The following MED13L variants were observed in gnomAD, a reference collection of about 807,000 sequenced individuals.
The protein encoded by MED13L is mediator complex subunit 13L.
A neutral mutation model predicts 220.9 loss-of-function variants in MED13L; 7 were observed. The ratio of observed to expected loss-of-function variants is 0.03; its 90% CI spans 0.02 to 0.06. The LOEUF (loss-of-function observed/expected upper bound fraction) is 0.06, where lower values mean the gene tolerates loss of function less well. MED13L is among the 10% of genes least tolerant of loss of function. The pLI is 1.00. For synonymous variants in MED13L, 1,011 were observed against 1,015.2 expected (o/e 1.00, Z 0.08); for missense variants, 1,965 against 2,760.5 (o/e 0.71, Z 6.46).
intron 4 of MED13L, among the ~76,000 whole-genome samples, chr12:116,089,133 C>T (rs11067903): frequency 0.091 from 13,793 of 152,120 alleles, 734 homozygotes; most frequent in East Asian, 0.21. Context: ...ATGACATTAT[C>T]GGAAATAAAA....
intron 2 of MED13L, among the ~76,000 whole-genome samples, chr12:116,182,705 G>A (rs1365073096): frequency 1.3e-5 from 2 of 152,120 alleles, no homozygotes; most frequent in Non-Finnish European, 2.9e-5. Context: ...AAAGTAGAAG[G>A]GTGATAAACT....
intron 2 of MED13L, among the ~76,000 whole-genome samples, chr12:116,138,335 G>A (rs529546035): frequency 4.6e-5 from 7 of 152,228 alleles, no homozygotes; most frequent in South Asian, 2.1e-4. Flanking sequence ...TACATATCAG[G>A]GTTTGTTGCT....
intron 1 of MED13L, among the ~76,000 whole-genome samples, chr12:116,272,855 T>C (rs915127256): frequency 6.6e-6 from 1 of 152,214 alleles, no homozygotes; most frequent in African/African-American, 2.4e-5. Flanking sequence ...ATTATGTACT[T>C]AAAAATATTT....
At chr12:116,273,160 C>G (rs1423666872) in intron 1 of MED13L, among the ~76,000 whole-genome samples, 1 of 152,106 alleles carries the variant, frequency 6.6e-6, no homozygotes, top group East Asian at 1.9e-4. Flanking sequence ...CAAAATTAGC[C>G]GGGCGTGGTG....
chr12:116,227,393 CTGCATTT>C (rs1869112227), intron 2 of MED13L, among the ~76,000 whole-genome samples: 2 of 152,158 alleles, frequency 1.3e-5, no homozygotes, highest in East Asian at 3.8e-4. Context: ...TTCACAGATG[CTGCATTT>C]TTTACAAATT....
In MED13L at chr12:115,963,400, T is replaced by C; in HGVS notation, c.6500+7A>G. On this transcript the variant is annotated splice_region_variant and intron_variant, in intron 30 of 30. Coordinates refer to ENST00000281928, the MANE Select transcript of MED13L (RefSeq NM_015335.5). ...TGCACTGCTATGATGCCTAGGTTGG[T>C]ATCTACCTTAAAACATCCGACGTGG... 4.4e-6 allele frequency: 7 copies of C among 1,583,756 alleles called. No individual in the cohort carries two copies. Among genetic ancestry groups the C allele is most frequent in the Non-Finnish European group, 6.1e-6 (7 of 1,152,364 alleles).
chr12:116,069,188 C>T (rs1273839307), intron 4 of MED13L, among the ~76,000 whole-genome samples: 4 of 152,132 alleles, frequency 2.6e-5, no homozygotes, highest in Non-Finnish European at 4.4e-5. Flanking sequence ...AAAGATGATA[C>T]GTGGAACCAA....
At chr12:116,072,017 T>C (rs1177059289) in intron 4 of MED13L, among the ~76,000 whole-genome samples, 1 of 152,250 alleles carries the variant, frequency 6.6e-6, no homozygotes, top group Non-Finnish European at 1.5e-5. Context: ...TCACATTGGA[T>C]GTTGCCTAAA....
intron 2 of MED13L, among the ~76,000 whole-genome samples, chr12:116,183,820 A>ATGTGTGTGTGTGTGTGTGTGTG (rs57716114): frequency 2.7e-5 from 4 of 146,486 alleles, no homozygotes; most frequent in African/African-American, 1.0e-4. Context: ...GTGTGTGTGT[A>ATGTGTGTGTGTGTGTGTGTGTG]TGTGTGTGTG....
intron 16 of MED13L, 139 bp downstream of exon 16, chr12:115,996,337 C>T: frequency 1.1e-6 from 1 of 918,916 alleles, no homozygotes; most frequent in South Asian, 1.4e-5. Flanking sequence ...AGTGATCTGC[C>T]CGCCTCCACC....
At position 115,970,682 on chromosome 12, in the gene MED13L, A is replaced by G; in HGVS notation, c.5979T>C (p.Cys1993=). The G allele has an allele frequency of 1.2e-6, 2 of 1,614,076 alleles. No homozygotes were observed. The highest frequency in any genetic ancestry group is 2.2e-5 in the South Asian group (2 of 91,086). ...SQLNTPQDAS[C]THILVFPTSS... Reference sequence around the variant, plus strand: ...ATGTTGGGAACACCAAGATGTGTGTACAAGAAGCATCTTGAGGGGTGTTGA... The same window carrying G: ...ATGTTGGGAACACCAAGATGTGTGTGCAAGAAGCATCTTGAGGGGTGTTGA... Residue 1993 remains cysteine (C), a synonymous_variant, in exon 27 of 31, where the codon TGT becomes TGC. Transcript: ENST00000281928.
intron 3 of MED13L, among the ~76,000 whole-genome samples, chr12:116,107,810 G>A (rs1265831216): frequency 6.6e-6 from 1 of 152,168 alleles, no homozygotes; most frequent in Non-Finnish European, 1.5e-5. Flanking sequence ...TCCTCAGTTG[G>A]GCCGGGCGCC....
chr12:116,090,736 G>A (rs1434778871), intron 4 of MED13L, among the ~76,000 whole-genome samples: 1 of 152,158 alleles, frequency 6.6e-6, no homozygotes, highest in Non-Finnish European at 1.5e-5. Context: ...ATTGAACAAG[G>A]AGAGATTTGT....
At chr12:116,264,995 G>A (rs1466893160) in intron 1 of MED13L, among the ~76,000 whole-genome samples, 1 of 152,174 alleles carries the variant, frequency 6.6e-6, no homozygotes. Flanking sequence ...TGATTAGACA[G>A]ACAGACAGAT....
In MED13L at chr12:115,986,433, T is replaced by C. The variant is rs1877695123; in HGVS notation, c.4171A>G (p.Lys1391Glu). 3 of 1,613,996 alleles carry C rather than the reference T, an allele frequency of 1.9e-6. No individual in the cohort carries two copies. Among genetic ancestry groups the C allele is most frequent in the South Asian group, 2.2e-5 (2 of 91,084 alleles). ...AATGGCGAGATGGTGAGGAAATCCT[T>C]GTCATAGCCTACCAGCAGAGTGGGG... Reference protein sequence around the residue: ...PIPTLLVGYDKDFLTISPFSL... With the variant: ...PIPTLLVGYDEDFLTISPFSL... The change falls in exon 19 of 31, where the codon AAG becomes GAG. Residue 1391 changes from lysine (K) to glutamate (E), a missense_variant. Physicochemically the swap from Lys to Glu is moderately conservative, Grantham distance 56 (BLOSUM62 1). This residue lies in a region of MED13L where 510 missense variants were observed against 620.4 expected (regional missense o/e 0.82). Coordinates refer to ENST00000281928, the MANE Select transcript of MED13L (RefSeq NM_015335.5).
chr12:116,265,867 T>C (rs539886521), intron 1 of MED13L, among the ~76,000 whole-genome samples: 1 of 152,344 alleles, frequency 6.6e-6, no homozygotes, highest in East Asian at 1.9e-4. Context: ...AAGAATGCCC[T>C]TCCCCTTCTT....
intron 4 of MED13L, among the ~76,000 whole-genome samples, chr12:116,031,756 AAAAGAAGG>A (rs1566020911): frequency 4.6e-5 from 1 of 21,800 alleles, no homozygotes. Context: ...AAAAGAAAAG[AAAAGAAGG>A]AAGGAAGGAA....
intron 5 of MED13L, among the ~76,000 whole-genome samples, chr12:116,021,741 A>AT (rs1880072702): frequency 2.0e-5 from 3 of 152,278 alleles, no homozygotes; most frequent in South Asian, 4.1e-4. Flanking sequence ...CCAAAAAAAG[A>AT]TTGTTTCCAT....
intron 3 of MED13L, among the ~76,000 whole-genome samples, chr12:116,108,247 T>C (rs1006522069): frequency 2.0e-5 from 3 of 152,144 alleles, no homozygotes; most frequent in Admixed American, 6.5e-5. Flanking sequence ...TAAATTCATA[T>C]TGTAAACAGG....
Sources: gnomAD v4.1 joint callset for allele counts (sites outside exome capture counted in the v4.1 genomes callset) on GRCh38, gnomAD v4.1.1 for gene constraint, gnomAD v4.1.1 regional missense constraint, MANE v1.5 for transcripts, NCBI Gene and HGNC (gene_info 2026-07-23, HGNC 2026-07-21) for gene names.